Variants in KCNK9 observed in about 807,000 individuals in gnomAD.
The protein encoded by KCNK9 is potassium two pore domain channel subfamily K member 9, also known as potassium channel subfamily K member 9.
Under a neutral mutation model 10.8 loss-of-function variants are expected in KCNK9, and 1 was observed. That is an observed-to-expected ratio of 0.09 (90% CI 0.03 to 0.44). The LOEUF is 0.44. KCNK9 is among the 20% of genes least tolerant of loss of function. The pLI, the probability that KCNK9 is intolerant of heterozygous loss-of-function variation, is 0.97. For missense variants in KCNK9, 303 were observed against 515.0 expected, an observed-to-expected ratio of 0.59 and a Z score of 3.98; for synonymous variants, 231 against 222.7, an observed-to-expected ratio of 1.04 and a Z score of -0.33.
chr8:139,645,828 G>C (rs1815658968), intron 1 of KCNK9, among the ~76,000 whole-genome samples: 1 of 152,180 alleles, frequency 6.6e-6, no homozygotes, highest in Non-Finnish European at 1.5e-5. Flanking sequence ...CCTGCTCTCT[G>C]GCCTCCACCC....
intron 1 of KCNK9, among the ~76,000 whole-genome samples, chr8:139,654,090 C>T (rs1299704201): frequency 6.6e-6 from 1 of 152,236 alleles, no homozygotes; most frequent in African/African-American, 2.4e-5. Flanking sequence ...GCCCCAGGAA[C>T]AGAGCTTTCC....
At chr8:139,683,581 C>T (rs1816734232) in intron 1 of KCNK9, among the ~76,000 whole-genome samples, 2 of 152,164 alleles carry the variant, frequency 1.3e-5, no homozygotes, top group South Asian at 2.1e-4. Flanking sequence ...AAAGCCCAGA[C>T]GGGGAAGCCA....
intron 1 of KCNK9, among the ~76,000 whole-genome samples, chr8:139,687,373 T>TAC (rs1249404837): frequency 7.5e-6 from 1 of 133,404 alleles, no homozygotes; most frequent in Non-Finnish European, 1.6e-5. Context: ...TATATGTGTA[T>TAC]ACATATATAT....
At chr8:139,619,857 C>T (rs1439981559) in intron 1 of KCNK9, among the ~76,000 whole-genome samples, 3 of 152,194 alleles carry the variant, frequency 2.0e-5, no homozygotes, top group African/African-American at 7.2e-5. Flanking sequence ...CTGTATTCCC[C>T]CATACCTAGA....
chr8:139,628,121 G>A (rs1015171516), intron 1 of KCNK9, among the ~76,000 whole-genome samples: 1 of 152,254 alleles, frequency 6.6e-6, no homozygotes, highest in Non-Finnish European at 1.5e-5. Flanking sequence ...AGAAGGAAGA[G>A]CGAGAACAGA....
Position 139,618,163 on chromosome 8 carries a change from A to C in KCNK9, c.*95T>G. 1.4e-6 allele frequency: 2 copies of C among 1,461,542 alleles called. No individual in the cohort carries two copies. Among genetic ancestry groups the C allele is most frequent in the Admixed American group, 1.8e-5 (1 of 56,746 alleles). 90.5% of individuals were successfully genotyped at this position (1,461,542 alleles called of 1,614,324 possible). On this transcript the variant is annotated 3_prime_UTR_variant, in exon 2 of 2. Coordinates refer to ENST00000520439, the MANE Select transcript of KCNK9 (RefSeq NM_001282534.2). The surrounding 1 kb of genome is among the most constrained non-coding windows in gnomAD (Gnocchi z 7.9). ...AGAGAAAGTAATAATGATGACAATA[A>C]TAATAATAAATAAATAAGAAAAGAC...
chr8:139,658,794 G>A (rs1197952662), intron 1 of KCNK9, among the ~76,000 whole-genome samples: 2 of 152,254 alleles, frequency 1.3e-5, no homozygotes, highest in Non-Finnish European at 2.9e-5. Context: ...TCCAGGAAGC[G>A]AGGTGGCTCT....
At chr8:139,602,000 G>C (rs1306883062) in intron 2 of KCNK9, 1 of 152,264 alleles carries the variant, frequency 6.6e-6, no homozygotes, top group Non-Finnish European at 1.5e-5. Flanking sequence ...CAGCTGGGGA[G>C]TCCCCACCTT....
At chr8:139,684,070 A>G (rs1816742408) in intron 1 of KCNK9, among the ~76,000 whole-genome samples, 1 of 152,224 alleles carries the variant, frequency 6.6e-6, no homozygotes, top group Admixed American at 6.5e-5. Context: ...AAAGAAGCCC[A>G]GGTCCCAGGT....
chr8:139,654,213 G>A (rs1272088889), intron 1 of KCNK9, among the ~76,000 whole-genome samples: 4 of 152,240 alleles, frequency 2.6e-5, no homozygotes, highest in African/African-American at 4.8e-5. Flanking sequence ...TATATCCAGC[G>A]AAGGCTCTGG....
At chr8:139,615,645 G>T (rs1189092699), downstream of KCNK9, among the ~76,000 whole-genome samples, 1 of 152,044 alleles carries the variant, frequency 6.6e-6, no homozygotes. Context: ...GGCTAAGCTG[G>T]TAGCAAAGAG....
intron 1 of KCNK9, among the ~76,000 whole-genome samples, chr8:139,670,950 G>A (rs1013374746): frequency 1.3e-5 from 2 of 152,170 alleles, no homozygotes; most frequent in African/African-American, 2.4e-5. Context: ...AAGCTGGCCT[G>A]TGACGCGCAC....
intron 1 of KCNK9, among the ~76,000 whole-genome samples, chr8:139,651,462 A>T (rs766595477): frequency 1.3e-5 from 2 of 152,162 alleles, no homozygotes; most frequent in Non-Finnish European, 2.9e-5. Context: ...CAGGGTGCAG[A>T]TTGCTGTGAA....
chr8:139,608,334 G>A (rs1227699335), downstream of KCNK9, among the ~76,000 whole-genome samples: 7 of 152,270 alleles, frequency 4.6e-5, no homozygotes, highest in South Asian at 2.1e-4. Flanking sequence ...CAGTGTTTTC[G>A]GTGGTTTATC....
At chr8:139,678,312 T>C (rs932111333) in intron 1 of KCNK9, among the ~76,000 whole-genome samples, 4 of 152,168 alleles carry the variant, frequency 2.6e-5, no homozygotes, top group Non-Finnish European at 4.4e-5. Flanking sequence ...AGCTCCCTTC[T>C]CCAGTCTGAG....
At chr8:139,622,270 A>T (rs527919376) in intron 1 of KCNK9, among the ~76,000 whole-genome samples, 2 of 152,302 alleles carry the variant, frequency 1.3e-5, no homozygotes, top group African/African-American at 4.8e-5. Flanking sequence ...GGGGAACAGG[A>T]CCATTCCCTC....
At chr8:139,622,332 G>C (rs1814812929) in intron 1 of KCNK9, among the ~76,000 whole-genome samples, 1 of 152,154 alleles carries the variant, frequency 6.6e-6, no homozygotes, top group African/African-American at 2.4e-5. Flanking sequence ...GAAAAAGAAG[G>C]TGGTACAGGG....
downstream of KCNK9, among the ~76,000 whole-genome samples, chr8:139,613,662 T>A (rs1814497006): frequency 6.6e-6 from 1 of 152,222 alleles, no homozygotes; most frequent in Admixed American, 6.5e-5. Context: ...GCTGTCTCGT[T>A]GTGTTGATGG....
At position 139,617,962 on chromosome 8, in the gene KCNK9, G is replaced by T; in HGVS notation, c.*296C>A. The T allele has an allele frequency of 2.4e-6, 1 of 413,480 alleles. No individual in the cohort carries two copies. Among genetic ancestry groups the T allele is most frequent in the Non-Finnish European group, 4.5e-6 (1 of 223,258 alleles). The allele number at this position is 413,480 out of a possible 1,614,324, so 25.6% of individuals were successfully genotyped here. ...CGGGAAAACCACTGCAGAGATGATG[G>T]GGTGGGTGGGGTGAGAAATGTAAGG... On this transcript the variant is annotated 3_prime_UTR_variant, in exon 2 of 2. Transcript: ENST00000520439.
Sources: gnomAD v4.1 joint callset for allele counts (sites outside exome capture counted in the v4.1 genomes callset) on GRCh38, gnomAD v4.1.1 for gene constraint, Gnocchi (gnomAD v3.1) non-coding constraint, MANE v1.5 for transcripts, NCBI Gene and HGNC (gene_info 2026-07-23, HGNC 2026-07-21) for gene names.